Variants in MITF observed in about 807,000 individuals in gnomAD.
MITF encodes the protein melanocyte inducing transcription factor, also known as microphthalmia-associated transcription factor.
MITF carries 17 observed loss-of-function variants against 60.5 expected under a neutral mutation model. That is an observed-to-expected ratio of 0.28 (90% confidence interval 0.19 to 0.42). MITF has a LOEUF of 0.42. Among genes scored for constraint, MITF ranks in the 10% least tolerant of loss-of-function variants. The pLI is 1.00. For missense variants in MITF, 622 were observed against 683.5 expected, an observed-to-expected ratio of 0.91 and a Z score of 1.00; for synonymous variants, 260 against 248.5, an observed-to-expected ratio of 1.05 and a Z score of -0.43.
chr3:69,932,146 C>G (rs1267569758), intron 2 of MITF, among the ~76,000 whole-genome samples: 2 of 152,140 alleles, frequency 1.3e-5, no homozygotes, highest in Non-Finnish European at 2.9e-5. Flanking sequence ...TTTGGTGAAA[C>G]TTTCCTAGAG....
rs758634990 is a variant in MITF at position 69,872,319 on chromosome 3, T to TA, written c.105-6805dup. 7.1e-4 allele frequency among the ~76,000 whole-genome samples: 106 copies of TA among 149,434 alleles called. 1 individual carries two copies. In the Middle Eastern group the frequency reaches 0.01, roughly 15 times the overall value. On this transcript the variant is annotated intron_variant, in intron 1 of 9. Transcript: ENST00000352241. The stretch of plus-strand genomic sequence containing the variant: ...TATACATAAGTGAGACACACTTTGG[T>TA]AAAAAAAAAATAACCAACTTAAAAA...
At chr3:69,860,779 A>G (rs1381733985) in intron 1 of MITF, among the ~76,000 whole-genome samples, 1 of 152,158 alleles carries the variant, frequency 6.6e-6, no homozygotes, top group Non-Finnish European at 1.5e-5. Flanking sequence ...CTGCATCCCA[A>G]TCAGGTTTAT....
At position 69,938,190 on chromosome 3, in the gene MITF, G is replaced by A. The variant is rs1372683074; in HGVS notation, c.582+141G>A. The stretch of plus-strand genomic sequence containing the variant: ...CCTTTGTCCCCGATTCACCATCGTG[G>A]CTGTGGCATTCCAGCCTGTTGTCTC... On this transcript the variant is annotated intron_variant, in intron 3 of 9. Transcript: ENST00000352241. The A allele has an allele frequency of 8.6e-6, 10 of 1,168,916 alleles. No homozygotes were observed. In the East Asian group the frequency reaches 1.8e-4, roughly 21 times the overall value. 72.4% of individuals were successfully genotyped at this position (1,168,916 alleles called of 1,614,324 possible).
intron 1 of MITF, among the ~76,000 whole-genome samples, chr3:69,837,830 A>G (rs1036728741): frequency 4.6e-5 from 7 of 152,210 alleles, no homozygotes; most frequent in Admixed American, 6.5e-5. Flanking sequence ...TCACTGGAGT[A>G]CTATACTGTA....
intron 1 of MITF, among the ~76,000 whole-genome samples, chr3:69,746,536 G>T (rs994656758): frequency 6.6e-6 from 1 of 152,156 alleles, no homozygotes; most frequent in Non-Finnish European, 1.5e-5. Flanking sequence ...GTTTGTGTGT[G>T]TGAGGTATAA....
intron 4 of MITF, among the ~76,000 whole-genome samples, chr3:69,940,033 A>C (rs1031331998): frequency 6.6e-6 from 1 of 152,196 alleles, no homozygotes; most frequent in African/African-American, 2.4e-5. Context: ...TATTCTTTTT[A>C]GGGGTCATTA....
At chr3:69,837,688 C>G (rs1160019653) in intron 1 of MITF, among the ~76,000 whole-genome samples, 1 of 152,076 alleles carries the variant, frequency 6.6e-6, no homozygotes, top group Non-Finnish European at 1.5e-5. Flanking sequence ...TGTCTGATAC[C>G]TCATTGGCAG....
At chr3:69,775,015 T>G (rs1372830948) in intron 1 of MITF, among the ~76,000 whole-genome samples, 1 of 152,212 alleles carries the variant, frequency 6.6e-6, no homozygotes, top group East Asian at 1.9e-4. Context: ...TTGAACATTT[T>G]CCTGCCATTC....
At chr3:69,798,062 C>T (rs2062859138) in intron 1 of MITF, among the ~76,000 whole-genome samples, 1 of 152,180 alleles carries the variant, frequency 6.6e-6, no homozygotes, top group Admixed American at 6.5e-5. Context: ...AGTACTGTGA[C>T]TCTGAGCTGG....
intron 6 of MITF, among the ~76,000 whole-genome samples, chr3:69,949,455 T>G (rs1241781386): frequency 6.6e-6 from 1 of 152,078 alleles, no homozygotes; most frequent in Non-Finnish European, 1.5e-5. Context: ...GTCCCCTTTG[T>G]GTTGGGGATA....
chr3:69,805,856 T>G (rs1473055668), intron 1 of MITF, among the ~76,000 whole-genome samples: 4 of 152,060 alleles, frequency 2.6e-5, no homozygotes, highest in Non-Finnish European at 5.9e-5. Context: ...AGACAAGATC[T>G]TTCTATGTTT....
At chr3:69,760,454 C>T (rs2106799278) in intron 1 of MITF, among the ~76,000 whole-genome samples, 1 of 152,314 alleles carries the variant, frequency 6.6e-6, no homozygotes, top group Middle Eastern at 3.4e-3. Context: ...GCAGGGCTAA[C>T]CCATAGACAT....
intron 5 of MITF, among the ~76,000 whole-genome samples, chr3:69,948,240 G>A (rs1003144640): frequency 6.6e-6 from 1 of 151,858 alleles, no homozygotes; most frequent in Non-Finnish European, 1.5e-5. Context: ...GATCAACTTG[G>A]GCCTTTTCTA....
At chr3:69,816,951 G>A (rs2063191614) in intron 1 of MITF, among the ~76,000 whole-genome samples, 1 of 152,178 alleles carries the variant, frequency 6.6e-6, no homozygotes, top group Admixed American at 6.5e-5. Context: ...TGTCACAAAT[G>A]TGATAGGATC....
intron 1 of MITF, among the ~76,000 whole-genome samples, chr3:69,853,209 G>C (rs1296708991): frequency 2.0e-5 from 3 of 152,030 alleles, no homozygotes; most frequent in Non-Finnish European, 4.4e-5. Context: ...CACCATGTCA[G>C]AATATCTGTG....
At chr3:69,887,668 T>A (rs1403884679) in intron 2 of MITF, among the ~76,000 whole-genome samples, 1 of 152,000 alleles carries the variant, frequency 6.6e-6, no homozygotes, top group East Asian at 1.9e-4. Context: ...AAAAAGAAAT[T>A]GTTTTAATTA....
intron 2 of MITF, among the ~76,000 whole-genome samples, chr3:69,899,791 A>G (rs1369633154): frequency 6.6e-6 from 1 of 152,162 alleles, no homozygotes; most frequent in Non-Finnish European, 1.5e-5. Flanking sequence ...GGAGACATGA[A>G]TTTCTGGGTT....
chr3:69,900,545 T>C (rs961619046), intron 2 of MITF, among the ~76,000 whole-genome samples: 6 of 152,190 alleles, frequency 3.9e-5, no homozygotes, highest in Admixed American at 3.3e-4. Flanking sequence ...TGGCTGACAC[T>C]TGGCAAACCA....
intron 9 of MITF, among the ~76,000 whole-genome samples, chr3:69,964,019 C>T (rs2107549859): frequency 7.4e-6 from 1 of 135,916 alleles, no homozygotes; most frequent in South Asian, 2.4e-4. Flanking sequence ...TCTTCTAGCC[C>T]AGGCTGGAGC....
Sources: gnomAD v4.1 joint callset for allele counts (sites outside exome capture counted in the v4.1 genomes callset) on GRCh38, gnomAD v4.1.1 for gene constraint, MANE v1.5 for transcripts, NCBI Gene and HGNC (gene_info 2026-07-23, HGNC 2026-07-21) for gene names.